Variants in TMEM185A observed in about 807,000 individuals in gnomAD.
The protein encoded by TMEM185A is family with sequence similarity 11, member A.
Under a neutral mutation model 25.0 loss-of-function variants are expected in TMEM185A, and 9 were observed. That is an observed-to-expected ratio of 0.36 (90% CI 0.22 to 0.63). The LOEUF (loss-of-function observed/expected upper bound fraction) is 0.63, where lower values mean the gene tolerates loss of function less well. Among genes scored for constraint, TMEM185A ranks in the 20% least tolerant of loss-of-function variants. The probability of loss-of-function intolerance (pLI) is 0.68; values close to 1 mark genes in which losing one functional copy is unlikely to be tolerated. For synonymous variants in TMEM185A, 45 were observed against 93.5 expected, an observed-to-expected ratio of 0.48 and a Z score of 2.99; for missense variants, 103 against 237.4, an observed-to-expected ratio of 0.43 and a Z score of 3.72.
chrX:149,604,946 TC>T (rs1315106319), intron 3 of TMEM185A, among the ~76,000 whole-genome samples: 6 of 111,167 alleles, frequency 5.4e-5, no homozygotes, highest in Non-Finnish European at 9.4e-5. Context: ...TGTCTCCTTT[TC>T]CCCCTCCTTA....
rs192386238 is a variant in TMEM185A, at chrX:149,608,081, T to C, written c.423+546A>G. ...TGAGCCAGTTCCTTAACTCTCTTTATACATATATCTGTATCTAACCTATCA... is the reference window on the plus strand; with the variant it reads ...TGAGCCAGTTCCTTAACTCTCTTTACACATATATCTGTATCTAACCTATCA... On this transcript the variant is annotated intron_variant, in intron 3 of 6. Transcript: ENST00000600449. Among the ~76,000 whole-genome samples, 174 of 112,182 alleles carry C rather than the reference T, an allele frequency of 1.6e-3. 2 individuals are homozygous for C. The highest frequency in any genetic ancestry group is 1.8e-3 in the Non-Finnish European group (97 of 53,196).
At position 149,604,049 on chromosome X, in the gene TMEM185A, T is replaced by C; in HGVS notation, c.445A>G (p.Asn149Asp). Residue 149 changes from asparagine to aspartate, a missense_variant, in exon 4 of 7, where the codon AAC becomes GAC. Physicochemically the swap from Asn to Asp is conservative, Grantham distance 23. Coordinates refer to ENST00000600449, the MANE Select transcript of TMEM185A (RefSeq NM_032508.4). Reference protein sequence around the residue: ...SLELEILCSVNILQFIFIALR... With the variant: ...SLELEILCSVDILQFIFIALR... The stretch of plus-strand genomic sequence containing the variant: ...GCAATGAATATAAACTGGAGAATGT[T>C]GACAGAACACAGGATTTCTAACTAA... 1.7e-6 allele frequency: 2 copies of C among 1,203,583 alleles called. No homozygotes were observed. Among genetic ancestry groups the C allele is most frequent in the South Asian group, 1.8e-5 (1 of 56,235 alleles).
In TMEM185A at chrX:149,631,542, C is replaced by A; in HGVS notation, c.38+1G>T. 4.3e-6 allele frequency: 5 copies of A among 1,167,297 alleles called. No homozygotes were observed. The highest frequency in any genetic ancestry group is 5.7e-6 in the Non-Finnish European group (5 of 873,091). On this transcript the variant is annotated splice_donor_variant, in intron 1 of 6. Transcript: ENST00000600449. LOFTEE classifies it high-confidence loss of function. ...CGGGGGCGCCAACGACGCCGCCTCA[C>A]CTCGGGTTGAAGTCCTGGAAGAGGC... is the stretch of plus-strand genomic sequence containing the variant.
intron 1 of TMEM185A, among the ~76,000 whole-genome samples, chrX:149,616,132 T>G (rs57165817): frequency 0.02 from 2,217 of 112,296 alleles, 48 homozygotes; most frequent in African/African-American, 0.068. Flanking sequence ...CACTGGGGAC[T>G]AGAGTCAACT....
intron 1 of TMEM185A, among the ~76,000 whole-genome samples, chrX:149,621,367 G>A (rs1209453589): frequency 8.9e-6 from 1 of 111,767 alleles, no homozygotes; most frequent in Non-Finnish European, 1.9e-5. Context: ...ATTTTATGTG[G>A]TTTTTGACAT....
chrX:149,602,505 C>A (rs1235756726), intron 4 of TMEM185A, among the ~76,000 whole-genome samples: 1 of 112,429 alleles, frequency 8.9e-6, no homozygotes, highest in Non-Finnish European at 1.9e-5. Context: ...TGATGAGATT[C>A]TCCTTTTTAC....
intron 1 of TMEM185A, among the ~76,000 whole-genome samples, chrX:149,626,594 C>G (rs1334418074): frequency 8.9e-6 from 1 of 112,295 alleles, no homozygotes; most frequent in African/African-American, 3.2e-5. Flanking sequence ...AAATAAGACA[C>G]AGAAACAAAG....
intron 1 of TMEM185A, among the ~76,000 whole-genome samples, chrX:149,616,483 C>T (rs1468970129): frequency 3.6e-5 from 4 of 111,806 alleles, no homozygotes; most frequent in Non-Finnish European, 7.5e-5. Context: ...TGGCCCCTTT[C>T]TCTATCATCA....
intron 1 of TMEM185A, among the ~76,000 whole-genome samples, chrX:149,626,000 A>T (rs1557355980): frequency 2.7e-5 from 3 of 112,456 alleles, no homozygotes; most frequent in African/African-American, 9.7e-5. Flanking sequence ...CGCAGGAAAG[A>T]GCACAGGCTT....
At chrX:149,617,295 A>G (rs2090115317) in intron 1 of TMEM185A, among the ~76,000 whole-genome samples, 1 of 112,142 alleles carries the variant, frequency 8.9e-6, no homozygotes. Flanking sequence ...CATTAACAAA[A>G]TGACAGCCAA....
rs150113040 is a variant in TMEM185A, at chrX:149,608,696, C to A, written c.354G>T (p.Pro118=). 11 of 1,211,822 alleles carry A rather than the reference C, an allele frequency of 9.1e-6. No homozygotes were observed. The highest frequency in any genetic ancestry group is 1.2e-5 in the Non-Finnish European group (11 of 895,525). Residue 118 remains proline, a synonymous_variant, in exon 3 of 7, where the codon CCG becomes CCT. Coordinates refer to ENST00000600449, the MANE Select transcript of TMEM185A (RefSeq NM_032508.4). The part of the protein sequence containing the change: ...GSHFWLLVFM[P]LFFVSPVSVA... ...CAGACACCGGGGAAACAAAGAACAGCGGCATGAAGACCAGGAGCCAGAAAT... is the reference window on the plus strand; with the variant it reads ...CAGACACCGGGGAAACAAAGAACAGAGGCATGAAGACCAGGAGCCAGAAAT...
At chrX:149,624,528 C>T (rs782277028) in intron 1 of TMEM185A, among the ~76,000 whole-genome samples, 14 of 111,638 alleles carry the variant, frequency 1.3e-4, no homozygotes, top group Non-Finnish European at 7.5e-5. Context: ...CACATACACG[C>T]GCATTAACAC....
chrX:149,608,084 A>G (rs1557353811), intron 3 of TMEM185A, among the ~76,000 whole-genome samples: 11 of 111,900 alleles, frequency 9.8e-5, no homozygotes. Context: ...CTCTTTATAC[A>G]TATATCTGTA....
Position 149,619,873 on chromosome X carries a change from G to T in TMEM185A, c.39-8410C>A, listed in dbSNP as rs782041567. Among the ~76,000 whole-genome samples the T allele has an allele frequency of 5.4e-5, 6 of 112,022 alleles. No individual in the cohort carries two copies. The East Asian group carries it at 1.7e-3, about 31-fold the overall frequency. On this transcript the variant is annotated intron_variant, in intron 1 of 6. Coordinates refer to ENST00000600449, the MANE Select transcript of TMEM185A (RefSeq NM_032508.4). ...CTGTATAGTATTCCATGGTGTATATGTGCCACATTTTCTTGATCCAGTCTA... is the reference window on the plus strand; with the variant it reads ...CTGTATAGTATTCCATGGTGTATATTTGCCACATTTTCTTGATCCAGTCTA...
chrX:149,605,236 T>A (rs1557353113), intron 3 of TMEM185A: 1 of 112,926 alleles, frequency 8.9e-6, no homozygotes, highest in Non-Finnish European at 1.9e-5. Context: ...GAGATCATTA[T>A]CGCCTGCACT....
intron 1 of TMEM185A, among the ~76,000 whole-genome samples, chrX:149,623,775 T>A (rs1215212923): frequency 4.2e-4 from 47 of 111,802 alleles, no homozygotes; most frequent in Non-Finnish European, 1.9e-5. Flanking sequence ...TTTAAAAAAA[T>A]TAAACTACAA....
chrX:149,603,305 T>C (rs1557352720), intron 4 of TMEM185A, among the ~76,000 whole-genome samples: 1 of 110,359 alleles, frequency 9.1e-6, no homozygotes, highest in African/African-American at 3.3e-5. Flanking sequence ...TTTTTTTTTT[T>C]CTTTTGAGAC....
chrX:149,611,395 A>C lies in TMEM185A; in HGVS notation c.107T>G (p.Ile36Arg). 8.3e-7 allele frequency: 1 copy of C among 1,211,709 alleles called. No homozygotes were observed. The highest frequency in any genetic ancestry group is 1.1e-6 in the Non-Finnish European group (1 of 895,430). The change falls in exon 2 of 7, where the codon ATA becomes AGA. Residue 36 changes from isoleucine to arginine, a missense_variant. Physicochemically the swap from Ile to Arg is moderately conservative, Grantham distance 97 (BLOSUM62 -3). This residue lies in a region of TMEM185A where 102 missense variants were observed against 125.7 expected (regional missense o/e 0.81). Transcript: ENST00000600449. ...AAAGACAGCCCAGTAACTCCACTGT[A>C]TGATGCCATCCAAACGAAGGGCCAG... is the stretch of plus-strand genomic sequence containing the variant. ...VLLALRLDGI[I>R]QWSYWAVFAP...
At chrX:149,604,189 T>A in intron 3 of TMEM185A, 119 bp from the exon 4 acceptor site, 1 of 472,545 alleles carries the variant, frequency 2.1e-6, no homozygotes, top group Non-Finnish European at 3.5e-6. Context: ...TGTATAATAT[T>A]ATATTGCACT....
Sources: allele counts gnomAD v4.1 joint callset (sites outside exome capture counted in the v4.1 genomes callset), GRCh38; gene constraint gnomAD v4.1.1; regional missense constraint gnomAD v4.1.1; transcripts MANE v1.5; gene names NCBI Gene and HGNC (gene_info 2026-07-23, HGNC 2026-07-21).